Variants in FAM117B observed in about 807,000 individuals in gnomAD.
FAM117B encodes the protein protein FAM117B.
Under a neutral mutation model 52.8 loss-of-function variants are expected in FAM117B, and 22 were observed. The ratio of observed to expected loss-of-function variants is 0.42; its 90% CI spans 0.30 to 0.59. The LOEUF is 0.59. Among genes scored for constraint, FAM117B ranks in the 20% least tolerant of loss-of-function variants. FAM117B has a pLI of 0.22. For missense variants in FAM117B, 678 were observed against 802.6 expected, an observed-to-expected ratio of 0.84 and a Z score of 1.88; for synonymous variants, 309 against 324.1, an observed-to-expected ratio of 0.95 and a Z score of 0.50.
At chr2:202,696,431 A>T (rs1030760802) in intron 2 of FAM117B, among the ~76,000 whole-genome samples, 14 of 152,212 alleles carry the variant, frequency 9.2e-5, no homozygotes, top group African/African-American at 3.4e-4. Flanking sequence ...AAATTGCAAA[A>T]AATTCATAAT....
intron 4 of FAM117B, among the ~76,000 whole-genome samples, chr2:202,750,471 C>T (rs144168167): frequency 1.2e-3 from 176 of 152,188 alleles, no homozygotes; most frequent in African/African-American, 3.7e-3. Context: ...CAAGATCATG[C>T]CACTGCACTC....
rs1267842606 is a variant in FAM117B, at chr2:202,635,000, G to C, written c.-188G>C. Among the ~76,000 whole-genome samples, 3 of 94,838 alleles carry C rather than the reference G, an allele frequency of 3.2e-5. No individual in the cohort carries two copies. The highest frequency in any genetic ancestry group is 8.5e-5 in the African/African-American group (3 of 35,500). The allele number at this position is 94,838 out of a possible 152,430, so 62.2% of individuals were successfully genotyped here. ...GACACTATTGTTGATGAGGAGCGGC[G>C]GCGGCGGCGGCGGCGGCTGCACCAC... On this transcript the variant is annotated 5_prime_UTR_variant, in exon 1 of 8. Transcript: ENST00000392238.
Position 202,766,102 on chromosome 2 carries a change from A to ACACCCC in FAM117B, c.*341_*342insCCCCAC, listed in dbSNP as rs747027891. 6.4e-3 allele frequency: 1,227 copies of ACACCCC among 191,884 alleles called. 15 individuals are homozygous for ACACCCC. The highest frequency in any genetic ancestry group is 8.6e-3 in the Non-Finnish European group (808 of 93,968). 11.9% of individuals were successfully genotyped at this position (191,884 alleles called of 1,614,324 possible). Reference sequence around the variant, plus strand: ...CACACACACACACACACACACACACACACACCCCTGATCCTTGCCAACATG... The same window carrying ACACCCC: ...CACACACACACACACACACACACACACACCCCCACACCCCTGATCCTTGCCAACATG... On this transcript the variant is annotated 3_prime_UTR_variant, in exon 8 of 8. Transcript: ENST00000392238.
intron 1 of FAM117B, among the ~76,000 whole-genome samples, chr2:202,680,360 G>A (rs1690444037): frequency 6.6e-6 from 1 of 152,090 alleles, no homozygotes; most frequent in South Asian, 2.1e-4. Flanking sequence ...CATGGCACAT[G>A]TATACATATG....
At chr2:202,685,309 A>G (rs1690523071) in intron 1 of FAM117B, among the ~76,000 whole-genome samples, 1 of 152,160 alleles carries the variant, frequency 6.6e-6, no homozygotes. Flanking sequence ...ATACAGAAAA[A>G]GTATTTGATA....
chr2:202,767,318 A>C lies in FAM117B; in HGVS notation c.*1554A>C, dbSNP rs1691997529. ...TGGGATTACAGGCATGCACCACCAC[A>C]CCCAGCTAATTTTGTATTTTTAGTA... On this transcript the variant is annotated 3_prime_UTR_variant, in exon 8 of 8. Coordinates refer to ENST00000392238, the MANE Select transcript of FAM117B (RefSeq NM_173511.4). 1 of 151,896 alleles carries C rather than the reference A, an allele frequency of 6.6e-6. No homozygotes were observed. Among genetic ancestry groups the C allele is most frequent in the Admixed American group, 6.6e-5 (1 of 15,220 alleles). 9.4% of individuals were successfully genotyped at this position (151,896 alleles called of 1,614,324 possible).
chr2:202,636,318 T>C (rs1026548774), intron 1 of FAM117B, among the ~76,000 whole-genome samples: 1 of 152,224 alleles, frequency 6.6e-6, no homozygotes, highest in African/African-American at 2.4e-5. Flanking sequence ...AACCGTGTTT[T>C]AGCATTTCCT....
At chr2:202,703,000 G>A (rs925868738) in intron 2 of FAM117B, among the ~76,000 whole-genome samples, 1 of 152,076 alleles carries the variant, frequency 6.6e-6, no homozygotes. Flanking sequence ...TTGCTTTATT[G>A]TGTTACTCCC....
intron 4 of FAM117B, among the ~76,000 whole-genome samples, chr2:202,737,329 G>T (rs1483127762): frequency 1.3e-5 from 2 of 151,902 alleles, no homozygotes; most frequent in South Asian, 2.1e-4. Flanking sequence ...GGACATTTTT[G>T]ATTGTACAAT....
chr2:202,721,588 A>G (rs369932331), intron 2 of FAM117B, among the ~76,000 whole-genome samples: 10 of 152,186 alleles, frequency 6.6e-5, no homozygotes, highest in African/African-American at 9.7e-5. Context: ...AACCCTTTAC[A>G]TATACTAACT....
intron 1 of FAM117B, among the ~76,000 whole-genome samples, chr2:202,685,411 GTA>G (rs1690524016): frequency 6.6e-6 from 1 of 152,124 alleles, no homozygotes; most frequent in Non-Finnish European, 1.5e-5. Flanking sequence ...ATATATAAGT[GTA>G]TATAATATAA....
intron 4 of FAM117B, among the ~76,000 whole-genome samples, chr2:202,731,329 T>TG: frequency 1.0e-4 from 1 of 9,704 alleles, no homozygotes; most frequent in Non-Finnish European, 4.1e-4. Context: ...GTGGAGAAAT[T>TG]GGAATATATA....
At chr2:202,757,187 C>G (rs931519935) in intron 5 of FAM117B, 26 bp from the exon 6 acceptor site, 1 of 1,602,990 alleles carries the variant, frequency 6.2e-7, no homozygotes. Flanking sequence ...TATAAATATA[C>G]CTATGTTTTT....
intron 5 of FAM117B, among the ~76,000 whole-genome samples, chr2:202,756,370 A>G (rs754576312): frequency 2.1e-5 from 3 of 144,764 alleles, no homozygotes; most frequent in South Asian, 2.1e-4. Flanking sequence ...GCTGAGATCG[A>G]AAAAAAAAAA....
intron 2 of FAM117B, among the ~76,000 whole-genome samples, chr2:202,716,961 T>G (rs949884882): frequency 6.6e-6 from 1 of 152,234 alleles, no homozygotes; most frequent in Non-Finnish European, 1.5e-5. Context: ...TCAAAACAGT[T>G]ATTTTGAATT....
intron 1 of FAM117B, among the ~76,000 whole-genome samples, chr2:202,648,327 T>C (rs1490459789): frequency 6.6e-6 from 1 of 152,032 alleles, no homozygotes; most frequent in Non-Finnish European, 1.5e-5. Flanking sequence ...CTGGGCAACA[T>C]GGTGAAACCC....
chr2:202,765,202 T>G (rs546324298), intron 7 of FAM117B, among the ~76,000 whole-genome samples: 4 of 152,286 alleles, frequency 2.6e-5, no homozygotes, highest in African/African-American at 9.6e-5. Flanking sequence ...TCAAGGGAAC[T>G]GAAAGCAGCA....
At chr2:202,678,593 C>G (rs1387424560) in intron 1 of FAM117B, among the ~76,000 whole-genome samples, 1 of 152,130 alleles carries the variant, frequency 6.6e-6, no homozygotes, top group African/African-American at 2.4e-5. Context: ...GAGTTTCACT[C>G]TTGTTGCCCA....
chr2:202,729,722 C>G (rs1040596057), intron 4 of FAM117B, among the ~76,000 whole-genome samples: 1 of 151,892 alleles, frequency 6.6e-6, no homozygotes, highest in South Asian at 2.1e-4. Context: ...TCTAGCTGAT[C>G]CTTGAAAGAT....
Sources: gnomAD v4.1 joint callset for allele counts (sites outside exome capture counted in the v4.1 genomes callset) on GRCh38, gnomAD v4.1.1 for gene constraint, MANE v1.5 for transcripts, NCBI Gene and HGNC (gene_info 2026-07-23, HGNC 2026-07-21) for gene names.